The following KIAA2012 variants were observed in gnomAD, a reference collection of about 807,000 sequenced individuals.
The protein encoded by KIAA2012 is uncharacterized protein KIAA2012.
In KIAA2012, 125 loss-of-function variants were observed where a neutral mutation model predicts 150.6. The ratio of observed to expected loss-of-function variants is 0.83; its 90% CI spans 0.72 to 0.96. The LOEUF (loss-of-function observed/expected upper bound fraction) is 0.96, where lower values mean the gene tolerates loss of function less well. Ranked by LOEUF, KIAA2012 falls within the 40% of genes least tolerant of loss-of-function variation. The probability of loss-of-function intolerance (pLI) is 0.00; values close to 1 mark genes in which losing one functional copy is unlikely to be tolerated. For synonymous variants in KIAA2012, 462 were observed against 504.7 expected (o/e 0.92, Z 1.13); for missense variants, 1,219 against 1,354.9 (o/e 0.90, Z 1.57).
At chr2:202,100,648 G>C (rs1690019809) in intron 7 of KIAA2012, among the ~76,000 whole-genome samples, 199 bp downstream of exon 7, 1 of 152,178 alleles carries the variant, frequency 6.6e-6, no homozygotes, top group Non-Finnish European at 1.5e-5. Flanking sequence ...GAAGTGCAAG[G>C]AATTTCAGCT....
intron 21 of KIAA2012, among the ~76,000 whole-genome samples, chr2:202,195,662 C>T (rs1692399988): frequency 6.6e-6 from 1 of 152,112 alleles, no homozygotes; most frequent in South Asian, 2.1e-4. Flanking sequence ...TTTAACCAAC[C>T]TCTCCCTACC....
chr2:202,089,017 C>A lies in KIAA2012; in HGVS notation c.370-1753C>A, dbSNP rs556376394. On this transcript the variant is annotated intron_variant, in intron 2 of 23. Coordinates refer to ENST00000498697, the MANE Select transcript of KIAA2012 (RefSeq NM_001277372.4). The stretch of plus-strand genomic sequence containing the variant: ...GCTCTTTCCCAAGCTTTCTCACAGG[C>A]TGTCTCCTTCCCACTCTTTGGCTTG... Among the ~76,000 whole-genome samples the A allele has an allele frequency of 2.0e-5, 3 of 152,344 alleles. No homozygotes were observed. The South Asian group carries it at 6.2e-4, about 32-fold the overall frequency.
At chr2:202,197,126 A>T (rs1416734745) in intron 22 of KIAA2012, 107 bp downstream of exon 22, 3 of 1,497,164 alleles carry the variant, frequency 2.0e-6, no homozygotes, top group Non-Finnish European at 2.7e-6. Context: ...AAGTCCCCCC[A>T]CCCCCAGCAT....
chr2:202,087,998 CA>C (rs527244781), intron 2 of KIAA2012, among the ~76,000 whole-genome samples: 446 of 129,542 alleles, frequency 3.4e-3, no homozygotes, highest in Admixed American at 4.7e-3. Flanking sequence ...CAATCCAAAC[CA>C]AAAAAAAAAA....
At chr2:202,172,261 G>A (rs1691908819) in intron 15 of KIAA2012, among the ~76,000 whole-genome samples, 1 of 152,270 alleles carries the variant, frequency 6.6e-6, no homozygotes. Flanking sequence ...GCTCAAAGAG[G>A]TTAGGTAACT....
intron 2 of KIAA2012, among the ~76,000 whole-genome samples, chr2:202,081,523 T>G (rs1293100675): frequency 6.6e-6 from 1 of 151,738 alleles, no homozygotes; most frequent in African/African-American, 2.4e-5. Flanking sequence ...ACTTGTTACT[T>G]TCTGTTTTCT....
intron 3 of KIAA2012, among the ~76,000 whole-genome samples, chr2:202,091,160 T>C (rs1247462071): frequency 6.6e-6 from 1 of 152,196 alleles, no homozygotes; most frequent in Admixed American, 6.5e-5. Context: ...TTCACTCCCA[T>C]CCCTTGCCCT....
chr2:202,086,187 G>A (rs115929798), intron 2 of KIAA2012, among the ~76,000 whole-genome samples: 318 of 61,384 alleles, frequency 5.2e-3, no homozygotes, highest in Middle Eastern at 0.024. Flanking sequence ...AAAAAAAAAA[G>A]AAAGAAAGAA....
At chr2:202,142,190 C>G (rs1691208969) in intron 13 of KIAA2012, among the ~76,000 whole-genome samples, 1 of 152,180 alleles carries the variant, frequency 6.6e-6, no homozygotes, top group Non-Finnish European at 1.5e-5. Context: ...TTCTCTTACT[C>G]TTTTTAAATG....
intron 11 of KIAA2012, among the ~76,000 whole-genome samples, chr2:202,122,197 C>T (rs1479941834): frequency 6.6e-6 from 1 of 152,196 alleles, no homozygotes; most frequent in Non-Finnish European, 1.5e-5. Context: ...AACAAGGAAT[C>T]ACAGATGTTT....
intron 13 of KIAA2012, among the ~76,000 whole-genome samples, chr2:202,149,750 A>T (rs770390425): frequency 2.0e-5 from 3 of 152,218 alleles, no homozygotes; most frequent in Non-Finnish European, 4.4e-5. Context: ...GTGGAGACAC[A>T]GCCACTTGGG....
intron 1 of KIAA2012, 144 bp downstream of exon 1, chr2:202,073,855 C>T (rs1689261486): frequency 1.5e-6 from 1 of 655,542 alleles, no homozygotes; most frequent in Non-Finnish European, 2.6e-6. Flanking sequence ...CTTCCTCCTT[C>T]ATGAAACTCA....
At chr2:202,095,624 A>G (rs1689849230) in intron 4 of KIAA2012, among the ~76,000 whole-genome samples, 1 of 152,236 alleles carries the variant, frequency 6.6e-6, no homozygotes. Context: ...TATTAAGCAC[A>G]AATAAATGAA....
chr2:202,200,443 G>C (rs1350632426), intron 22 of KIAA2012, among the ~76,000 whole-genome samples: 1 of 152,052 alleles, frequency 6.6e-6, no homozygotes. Flanking sequence ...GGGCACAGAG[G>C]GGGTTTCAGA....
intron 12 of KIAA2012, among the ~76,000 whole-genome samples, chr2:202,130,691 A>C (rs7577026): frequency 0.65 from 98,086 of 152,044 alleles, 31,813 homozygotes; most frequent in Admixed American, 0.69. Context: ...CCAAGGCAGG[A>C]GGATCACTTG....
chr2:202,108,478 A>G (rs1304116465), intron 9 of KIAA2012, among the ~76,000 whole-genome samples: 1 of 152,224 alleles, frequency 6.6e-6, no homozygotes, highest in Non-Finnish European at 1.5e-5. Context: ...CATGCATTAC[A>G]TTTAGTGGTC....
chr2:202,164,653 C>T (rs765914830), intron 14 of KIAA2012, among the ~76,000 whole-genome samples: 1 of 152,202 alleles, frequency 6.6e-6, no homozygotes, highest in Non-Finnish European at 1.5e-5. Context: ...AAGTCCTCAA[C>T]CTGCCTTCAA....
chr2:202,201,053 C>T (rs1199002807), intron 22 of KIAA2012, among the ~76,000 whole-genome samples: 1 of 152,096 alleles, frequency 6.6e-6, no homozygotes, highest in African/African-American at 2.4e-5. Context: ...TCCCTCCAAA[C>T]CTAATTTGAT....
At chr2:202,155,717 A>G (rs747542952) in intron 14 of KIAA2012, among the ~76,000 whole-genome samples, 58 of 152,236 alleles carry the variant, frequency 3.8e-4, no homozygotes, top group Non-Finnish European at 1.8e-4. Flanking sequence ...ATAGACTGGC[A>G]GGGCCTTTGG....
Sources: gnomAD v4.1 joint callset for allele counts (sites outside exome capture counted in the v4.1 genomes callset) on GRCh38, gnomAD v4.1.1 for gene constraint, MANE v1.5 for transcripts, NCBI Gene and HGNC (gene_info 2026-07-23, HGNC 2026-07-21) for gene names.